Variants in CEP128 observed in about 807,000 individuals in gnomAD.
CEP128 encodes the protein centrosomal protein 128.
In CEP128, 132 loss-of-function variants were observed where a neutral mutation model predicts 156.7. The observed-to-expected ratio is 0.84, with a 90% CI of 0.73 to 0.97. The LOEUF (loss-of-function observed/expected upper bound fraction) is 0.97, where lower values mean the gene tolerates loss of function less well. CEP128 is among the 50% of genes least tolerant of loss of function. CEP128 has a pLI of 0.00. For missense variants in CEP128, 1,252 were observed against 1,281.9 expected (o/e 0.98, Z 0.36); for synonymous variants, 469 against 448.9 (o/e 1.04, Z -0.57).
chr14:80,912,614 A>G (rs1884308829), intron 4 of CEP128, among the ~76,000 whole-genome samples: 1 of 152,208 alleles, frequency 6.6e-6, no homozygotes, highest in African/African-American at 2.4e-5. Context: ...GGTCAAGTAC[A>G]TCATAAATCA....
At chr14:80,779,789 G>T (rs909616148) in intron 15 of CEP128, among the ~76,000 whole-genome samples, 2 of 152,148 alleles carry the variant, frequency 1.3e-5, no homozygotes, top group Non-Finnish European at 2.9e-5. Flanking sequence ...CTTACTTATT[G>T]TTGTGGTTTT....
intron 19 of CEP128, among the ~76,000 whole-genome samples, chr14:80,698,312 A>G (rs1049145844): frequency 2.6e-5 from 4 of 152,096 alleles, no homozygotes; most frequent in African/African-American, 9.7e-5. Flanking sequence ...CTAACTATCT[A>G]AATATCACCA....
chr14:80,851,162 G>A (rs1267853954), intron 9 of CEP128, among the ~76,000 whole-genome samples: 1 of 152,080 alleles, frequency 6.6e-6, no homozygotes, highest in Non-Finnish European at 1.5e-5. Flanking sequence ...AGTGAGCTCT[G>A]TGTGATAAAC....
intron 19 of CEP128, among the ~76,000 whole-genome samples, chr14:80,635,274 T>G (rs1025979264): frequency 6.6e-6 from 1 of 152,160 alleles, no homozygotes; most frequent in Admixed American, 6.5e-5. Context: ...TAAGTGAATT[T>G]CTCTTTGATT....
In CEP128 at chr14:80,817,379, T is replaced by C. The variant is rs578096459; in HGVS notation, c.1209+13764A>G. ...TATACAAATGAAAAAGAGGATACAATATAAAACAGCCTTTGAATGGGCCTA... is the reference window on the plus strand; with the variant it reads ...TATACAAATGAAAAAGAGGATACAACATAAAACAGCCTTTGAATGGGCCTA... On this transcript the variant is annotated intron_variant, in intron 13 of 24. Transcript: ENST00000555265. 7.9e-5 allele frequency among the ~76,000 whole-genome samples: 12 copies of C among 152,088 alleles called. No individual in the cohort carries two copies. In the East Asian group the frequency reaches 2.3e-3, roughly 29 times the overall value.
intron 22 of CEP128, among the ~76,000 whole-genome samples, chr14:80,529,498 G>A (rs1274537898): frequency 1.3e-5 from 2 of 152,092 alleles, no homozygotes; most frequent in African/African-American, 4.8e-5. Flanking sequence ...GTAGACAACT[G>A]GGGAAAAAGT....
intron 23 of CEP128, 46 bp from the exon 24 acceptor site, chr14:80,505,066 G>C (rs774431690): frequency 8.8e-6 from 8 of 912,684 alleles, no homozygotes; most frequent in Non-Finnish European, 1.2e-5. Flanking sequence ...ACAAGGTATG[G>C]ACCAAGGCTC....
In CEP128 at chr14:80,497,505, G is replaced by C. The variant is rs780043344; in HGVS notation, c.3259C>G (p.Pro1087Ala). Residue 1087 changes from proline to alanine, a missense_variant, in exon 25 of 25, where the codon CCC becomes GCC. Pro to Ala is a conservative substitution (Grantham distance 27, BLOSUM62 -1). Transcript: ENST00000555265. ...DATMNGTSSQ[P>A]KKEEYGS The stretch of plus-strand genomic sequence containing the variant: ...TAGCTCCCATATTCCTCTTTTTTGG[G>C]TTGTGAACTTGTTCCATTCATTGTG... 2 of 1,611,600 alleles carry C rather than the reference G, an allele frequency of 1.2e-6. No homozygotes were observed. Among genetic ancestry groups the C allele is most frequent in the South Asian group, 2.2e-5 (2 of 90,778 alleles).
intron 2 of CEP128, among the ~76,000 whole-genome samples, chr14:80,924,733 G>GTT (rs776843869): frequency 6.6e-6 from 1 of 151,400 alleles, no homozygotes; most frequent in Non-Finnish European, 1.5e-5. Context: ...GTTTCATGGG[G>GTT]GTTTTTTTTA....
intron 24 of CEP128, 122 bp downstream of exon 24, chr14:80,504,790 T>C (rs1046032159): frequency 5.2e-6 from 2 of 384,608 alleles, no homozygotes; most frequent in African/African-American, 4.1e-5. Flanking sequence ...TTTTGTATGA[T>C]TCATGAGGAT....
At chr14:80,939,676 C>G (rs1249065862) in intron 1 of CEP128, 136 bp from the exon 2 acceptor site, 1 of 152,180 alleles carries the variant, frequency 6.6e-6, no homozygotes, top group Non-Finnish European at 1.5e-5. Flanking sequence ...TAGAATGATT[C>G]AAAAGCCCAA....
At chr14:80,901,840 A>G (rs1883579478) in intron 6 of CEP128, among the ~76,000 whole-genome samples, 1 of 152,188 alleles carries the variant, frequency 6.6e-6, no homozygotes, top group Non-Finnish European at 1.5e-5. Context: ...CATCCTTCTA[A>G]TTGGTTCACC....
At chr14:80,690,507 C>A (rs148957902) in intron 19 of CEP128, among the ~76,000 whole-genome samples, 39 of 151,542 alleles carry the variant, frequency 2.6e-4, no homozygotes, top group African/African-American at 7.7e-4. Flanking sequence ...TAGGTGCTGG[C>A]GTGGATAAAT....
chr14:80,541,214 C>G (rs1315488678), intron 21 of CEP128, among the ~76,000 whole-genome samples: 1 of 152,086 alleles, frequency 6.6e-6, no homozygotes, highest in African/African-American at 2.4e-5. Context: ...CTTTTTGGCA[C>G]TAGCCATAGT....
chr14:80,588,594 G>T (rs1043695060), intron 19 of CEP128, among the ~76,000 whole-genome samples: 1 of 151,756 alleles, frequency 6.6e-6, no homozygotes, highest in Non-Finnish European at 1.5e-5. Context: ...AAACTTGATT[G>T]GTCAACAAAT....
chr14:80,552,857 T>C (rs546303764), intron 21 of CEP128, among the ~76,000 whole-genome samples: 1 of 152,306 alleles, frequency 6.6e-6, no homozygotes, highest in Non-Finnish European at 1.5e-5. Flanking sequence ...TTCTTTTCAC[T>C]CTTTTTATGT....
At chr14:80,902,511 T>C (rs542145640) in intron 6 of CEP128, among the ~76,000 whole-genome samples, 1 of 152,248 alleles carries the variant, frequency 6.6e-6, no homozygotes, top group South Asian at 2.1e-4. Context: ...ACACTTTGAG[T>C]ACCTAATCCT....
At chr14:80,920,571 T>G (rs193250359) in intron 2 of CEP128, among the ~76,000 whole-genome samples, 3 of 152,220 alleles carry the variant, frequency 2.0e-5, no homozygotes, top group African/African-American at 7.2e-5. Context: ...TAATGAAAAC[T>G]GACCAGGCCT....
At chr14:80,657,936 A>G (rs1895243487) in intron 19 of CEP128, among the ~76,000 whole-genome samples, 1 of 152,168 alleles carries the variant, frequency 6.6e-6, no homozygotes, top group Non-Finnish European at 1.5e-5. Flanking sequence ...TTTGAAGGCA[A>G]GAACTCTTAC....
Sources: gnomAD v4.1 joint callset for allele counts (sites outside exome capture counted in the v4.1 genomes callset) on GRCh38, gnomAD v4.1.1 for gene constraint, MANE v1.5 for transcripts, NCBI Gene and HGNC (gene_info 2026-07-23, HGNC 2026-07-21) for gene names.